The following ZSWIM6 variants were observed in gnomAD, a reference collection of about 807,000 sequenced individuals.
ZSWIM6 encodes the protein zinc finger SWIM domain-containing protein 6.
In ZSWIM6, 9 loss-of-function variants were observed where a neutral mutation model predicts 113.2. That is an observed-to-expected ratio of 0.08 (90% CI 0.05 to 0.14). ZSWIM6 has a LOEUF of 0.14. Ranked by LOEUF, ZSWIM6 falls within the 10% of genes least tolerant of loss-of-function variation. ZSWIM6 has a pLI of 1.00. For missense variants in ZSWIM6, 1,162 were observed against 1,552.2 expected (o/e 0.75, Z 4.22); for synonymous variants, 611 against 606.5 (o/e 1.01, Z -0.11).
chr5:61,503,019 T>C (rs1247956637), intron 4 of ZSWIM6, among the ~76,000 whole-genome samples: 1 of 152,152 alleles, frequency 6.6e-6, no homozygotes, highest in Non-Finnish European at 1.5e-5. Flanking sequence ...TTTATATAAA[T>C]AGCTTTTTCC....
chr5:61,454,898 T>C (rs2112161683), intron 1 of ZSWIM6, among the ~76,000 whole-genome samples: 1 of 151,898 alleles, frequency 6.6e-6, no homozygotes, highest in East Asian at 1.9e-4. Context: ...TTTTTTTTTT[T>C]TTTTGCACCT....
chr5:61,487,810 G>A (rs922882402), intron 2 of ZSWIM6, among the ~76,000 whole-genome samples: 12 of 151,950 alleles, frequency 7.9e-5, no homozygotes, highest in African/African-American at 2.4e-4. Context: ...ATGGAAGATT[G>A]TATCATCCGT....
chr5:61,372,473 C>T (rs1404924473), intron 1 of ZSWIM6, among the ~76,000 whole-genome samples: 1 of 152,174 alleles, frequency 6.6e-6, no homozygotes, highest in African/African-American at 2.4e-5. Context: ...TAGCACTGAA[C>T]ACAGCTGACC....
intron 1 of ZSWIM6, among the ~76,000 whole-genome samples, chr5:61,359,881 A>G (rs763941607): frequency 2.6e-5 from 4 of 152,168 alleles, no homozygotes; most frequent in Admixed American, 6.6e-5. Context: ...CATTAGATAG[A>G]TGTTTTCAGC....
chr5:61,498,509 T>A (rs1046180357), intron 4 of ZSWIM6, among the ~76,000 whole-genome samples: 4 of 152,210 alleles, frequency 2.6e-5, no homozygotes. Context: ...TATGATTAGT[T>A]TGACCACTAG....
chr5:61,460,090 CT>C (rs1326583602), intron 1 of ZSWIM6, among the ~76,000 whole-genome samples: 1 of 152,108 alleles, frequency 6.6e-6, no homozygotes, highest in Non-Finnish European at 1.5e-5. Context: ...CGATGTTTAC[CT>C]TTTCCATTAA....
In ZSWIM6 at chr5:61,544,095, G is replaced by A; in HGVS notation, c.3426G>A (p.Leu1142=). The change falls in exon 14 of 14, where the codon TTG becomes TTA. Residue 1142 remains leucine (L), a synonymous_variant. Coordinates refer to ENST00000252744, the MANE Select transcript of ZSWIM6 (RefSeq NM_020928.2). ...SLDKAPLRQL[L]DATIGAYINT... ...ACAAAGCCCCCTTGAGGCAACTCTT[G>A]GATGCCACGATCGGGGCCTACATCA... is the stretch of plus-strand genomic sequence containing the variant. 6.4e-7 allele frequency: 1 copy of A among 1,551,924 alleles called. No homozygotes were observed. Among genetic ancestry groups the A allele is most frequent in the African/African-American group, 1.4e-5 (1 of 73,166 alleles).
intron 1 of ZSWIM6, among the ~76,000 whole-genome samples, chr5:61,374,003 G>A (rs1442607200): frequency 6.6e-6 from 1 of 152,028 alleles, no homozygotes; most frequent in Non-Finnish European, 1.5e-5. Context: ...GTAAAATATT[G>A]TTTCTCTTTA....
chr5:61,373,290 T>A (rs1745303793), intron 1 of ZSWIM6, among the ~76,000 whole-genome samples: 1 of 152,046 alleles, frequency 6.6e-6, no homozygotes, highest in Non-Finnish European at 1.5e-5. Context: ...TTTGCTAGAA[T>A]GTGTCAGTCA....
intron 5 of ZSWIM6, among the ~76,000 whole-genome samples, chr5:61,523,969 G>T (rs776371538): frequency 4.6e-5 from 7 of 152,168 alleles, no homozygotes; most frequent in Non-Finnish European, 7.4e-5. Flanking sequence ...TGCTATTTGA[G>T]CCAAATCAAT....
chr5:61,462,568 T>G (rs1291832261), intron 1 of ZSWIM6, among the ~76,000 whole-genome samples: 3 of 152,248 alleles, frequency 2.0e-5, no homozygotes, highest in Non-Finnish European at 4.4e-5. Context: ...AGTCCATTAT[T>G]GTAGTAGAAT....
chr5:61,476,027 A>G (rs964919844), intron 2 of ZSWIM6, among the ~76,000 whole-genome samples: 1 of 152,202 alleles, frequency 6.6e-6, no homozygotes, highest in Non-Finnish European at 1.5e-5. Context: ...GGGTTAAGAT[A>G]TGATTTAGAC....
intron 1 of ZSWIM6, among the ~76,000 whole-genome samples, chr5:61,367,707 A>G (rs1745187620): frequency 6.6e-6 from 1 of 152,200 alleles, no homozygotes; most frequent in African/African-American, 2.4e-5. Flanking sequence ...GAACAGGTAG[A>G]TCACAGAGGC....
chr5:61,470,195 T>C (rs898678347), intron 1 of ZSWIM6, among the ~76,000 whole-genome samples: 7 of 152,146 alleles, frequency 4.6e-5, no homozygotes, highest in African/African-American at 1.7e-4. Flanking sequence ...GACAAAGACA[T>C]TGAGTTGGTT....
intron 1 of ZSWIM6, among the ~76,000 whole-genome samples, chr5:61,398,657 G>A (rs1745886390): frequency 6.6e-6 from 1 of 152,104 alleles, no homozygotes; most frequent in Non-Finnish European, 1.5e-5. Context: ...TTATCAACGT[G>A]CTTAAAAAAT....
intron 4 of ZSWIM6, among the ~76,000 whole-genome samples, chr5:61,505,463 G>C (rs1229091605): frequency 6.6e-6 from 1 of 152,066 alleles, no homozygotes; most frequent in Non-Finnish European, 1.5e-5. Flanking sequence ...GGCTGTTTTT[G>C]ATGTATCTTT....
chr5:61,373,880 A>G (rs1234219476), intron 1 of ZSWIM6, among the ~76,000 whole-genome samples: 1 of 152,180 alleles, frequency 6.6e-6, no homozygotes, highest in Non-Finnish European at 1.5e-5. Flanking sequence ...GTTTAAAAAT[A>G]TTGCTTGTAA....
Position 61,472,707 on chromosome 5 carries a change from G to C in ZSWIM6, c.703G>C (p.Glu235Gln). 6.5e-7 allele frequency: 1 copy of C among 1,541,652 alleles called. No individual in the cohort carries two copies. The highest frequency in any genetic ancestry group is 8.8e-7 in the Non-Finnish European group (1 of 1,140,580). Residue 235 changes from glutamate (E) to glutamine (Q), a missense_variant, in exon 2 of 14, where the codon GAA (glutamate) becomes CAA (glutamine). By Grantham distance (29) the Glu-to-Gln change is conservative. Transcript: ENST00000252744. The surrounding 1 kb of genome is among the most constrained non-coding windows in gnomAD (Gnocchi z 4.1). ...VGFHLSGTVTEPAIQSEPETV... is the reference protein window; with the variant it reads ...VGFHLSGTVTQPAIQSEPETV... ...TTTCCACTTGAGCGGCACAGTGACA[G>C]AACCTGCAATACAATCGGAGCCAGA...
At chr5:61,370,929 G>A (rs958875645) in intron 1 of ZSWIM6, among the ~76,000 whole-genome samples, 12 of 152,062 alleles carry the variant, frequency 7.9e-5, no homozygotes, top group Non-Finnish European at 1.6e-4. Flanking sequence ...ATATGTTTGC[G>A]TATTCATTGC....
Sources: allele counts gnomAD v4.1 joint callset (sites outside exome capture counted in the v4.1 genomes callset), GRCh38; gene constraint gnomAD v4.1.1; non-coding constraint Gnocchi (gnomAD v3.1); transcripts MANE v1.5; gene names NCBI Gene and HGNC (gene_info 2026-07-23, HGNC 2026-07-21).